The following ACMSD variants were observed in gnomAD, a reference collection of about 807,000 sequenced individuals.
ACMSD encodes the protein aminocarboxymuconate semialdehyde decarboxylase.
Under a neutral mutation model 45.9 loss-of-function variants are expected in ACMSD, and 37 were observed. The ratio of observed to expected loss-of-function variants is 0.81; its 90% CI spans 0.62 to 1.06. The LOEUF (loss-of-function observed/expected upper bound fraction) is 1.06, where lower values mean the gene tolerates loss of function less well. Among genes scored for constraint, ACMSD ranks in the 50% least tolerant of loss-of-function variants. ACMSD has a pLI of 0.00. For synonymous variants in ACMSD, 138 were observed against 148.8 expected, an observed-to-expected ratio of 0.93 and a Z score of 0.53; for missense variants, 434 against 420.9, an observed-to-expected ratio of 1.03 and a Z score of -0.27.
At chr2:134,895,885 A>G (rs1690120699) in intron 8 of ACMSD, among the ~76,000 whole-genome samples, 1 of 152,160 alleles carries the variant, frequency 6.6e-6, no homozygotes, top group South Asian at 2.1e-4. Flanking sequence ...CAAGGGATCC[A>G]GAATAGCCAA....
intron 8 of ACMSD, among the ~76,000 whole-genome samples, chr2:134,884,684 G>A (rs1272590337): frequency 6.6e-6 from 1 of 152,062 alleles, no homozygotes; most frequent in Non-Finnish European, 1.5e-5. Context: ...TTATCAGCAG[G>A]TGTATTTGTT....
chr2:134,840,311 C>T (rs1686746169), intron 1 of ACMSD, among the ~76,000 whole-genome samples: 1 of 151,824 alleles, frequency 6.6e-6, no homozygotes, highest in Non-Finnish European at 1.5e-5. Flanking sequence ...TGTACTATCC[C>T]ACTGAGAAAG....
intron 2 of ACMSD, 24 bp downstream of exon 2, chr2:134,845,301 C>G: frequency 6.2e-7 from 1 of 1,613,994 alleles, no homozygotes; most frequent in Non-Finnish European, 8.5e-7. Context: ...AAAGTATGAA[C>G]ATCAGTAGCA....
intron 8 of ACMSD, among the ~76,000 whole-genome samples, chr2:134,875,556 C>A (rs1688691961): frequency 6.6e-6 from 1 of 152,110 alleles, no homozygotes; most frequent in African/African-American, 2.4e-5. Flanking sequence ...CTCTAAAATT[C>A]TTTTGCTTTT....
chr2:134,896,961 G>T (rs563468189), intron 8 of ACMSD, among the ~76,000 whole-genome samples: 1 of 152,204 alleles, frequency 6.6e-6, no homozygotes, highest in Non-Finnish European at 1.5e-5. Flanking sequence ...AAAAGAATGG[G>T]GAGTCACTGC....
At position 134,867,646 on chromosome 2, in the gene ACMSD, C is replaced by G. The variant is rs1688168908; in HGVS notation, c.554C>G (p.Ala185Gly). 3.1e-6 allele frequency: 5 copies of G among 1,613,524 alleles called. No homozygotes were observed. Among genetic ancestry groups the G allele is most frequent in the Non-Finnish European group, 4.2e-6 (5 of 1,179,734 alleles). The change falls in exon 6 of 10, where the codon GCC becomes GGC. Residue 185 changes from alanine (A) to glycine (G), a missense_variant. Transcript: ENST00000356140. Reference sequence around the variant, plus strand: ...GACATGCAGATGGATGGACGAATGGCCAAATACTGGCTCCCTTGGCTTGTA... The same window carrying G: ...GACATGCAGATGGATGGACGAATGGGCAAATACTGGCTCCCTTGGCTTGTA... ...PWDMQMDGRM[A>G]KYWLPWLVGM...
chr2:134,883,201 A>G (rs988295687), intron 8 of ACMSD, among the ~76,000 whole-genome samples: 1 of 152,134 alleles, frequency 6.6e-6, no homozygotes, highest in African/African-American at 2.4e-5. Context: ...ATTAGCACAG[A>G]TATCTTTAAA....
At chr2:134,901,679 C>A in intron 9 of ACMSD, 119 bp from the exon 10 acceptor site, 1 of 568,240 alleles carries the variant, frequency 1.8e-6, no homozygotes, top group Non-Finnish European at 3.0e-6. Flanking sequence ...CACTGTATAA[C>A]CTGCTAGTAT....
intron 8 of ACMSD, 122 bp from the exon 9 acceptor site, chr2:134,898,219 A>C: frequency 1.8e-6 from 1 of 550,164 alleles, no homozygotes; most frequent in East Asian, 3.4e-5. Flanking sequence ...TTATGTTTCT[A>C]TTAATCAGGA....
chr2:134,887,657 G>C (rs1689538439), intron 8 of ACMSD, among the ~76,000 whole-genome samples: 1 of 152,164 alleles, frequency 6.6e-6, no homozygotes, highest in African/African-American at 2.4e-5. Flanking sequence ...TCCCACCTTG[G>C]CCTCCCAAAG....
At chr2:134,879,894 C>CT (rs1218148944) in intron 8 of ACMSD, among the ~76,000 whole-genome samples, 1 of 152,162 alleles carries the variant, frequency 6.6e-6, no homozygotes, top group Non-Finnish European at 1.5e-5. Flanking sequence ...TGAAATCTCT[C>CT]TTCATGAGGA....
At chr2:134,861,598 C>T (rs560073432) in intron 3 of ACMSD, among the ~76,000 whole-genome samples, 1 of 152,238 alleles carries the variant, frequency 6.6e-6, no homozygotes, top group East Asian at 1.9e-4. Context: ...TCTAGGATCA[C>T]TTAGGAGCTG....
rs757421443 is a variant in ACMSD, at chr2:134,867,585, G to T, written c.493G>T (p.Glu165Ter). 2.5e-6 allele frequency: 4 copies of T among 1,613,258 alleles called. No homozygotes were observed. Among genetic ancestry groups the T allele is most frequent in the Middle Eastern group, 3.3e-4 (2 of 6,062 alleles). The change falls in exon 6 of 10, where the codon GAA becomes TAA. Residue 165 changes from glutamate (E) to a stop codon, truncating the protein, a stop_gained. Transcript: ENST00000356140. LOFTEE classifies it high-confidence loss of function. Reference sequence around the variant, plus strand: ...TCTCATTGCTTCTTTGAAGGCAGCCGAAAGGCTGAAGTGTTCCCTGTTCGT... The same window carrying T: ...TCTCATTGCTTCTTTGAAGGCAGCCTAAAGGCTGAAGTGTTCCCTGTTCGT... Reference protein sequence around the residue: ...QELFPVYAAAERLKCSLFVHP... With the variant: ...QELFPVYAAA
At position 134,865,509 on chromosome 2, in the gene ACMSD, G is replaced by A. The variant is rs563652030; in HGVS notation, c.486+1878G>A. Among the ~76,000 whole-genome samples, 287 of 152,276 alleles carry A rather than the reference G, an allele frequency of 1.9e-3. 1 individual carries two copies. The highest frequency in any genetic ancestry group is 1.5e-3 in the Non-Finnish European group (100 of 68,008). On this transcript the variant is annotated intron_variant, in intron 5 of 9. Transcript: ENST00000356140. Reference sequence around the variant, plus strand: ...TCGACCCATCAATCCTTCTAACTGGGCTGTTTTGAGGACATCCAGTCTCTG... The same window carrying A: ...TCGACCCATCAATCCTTCTAACTGGACTGTTTTGAGGACATCCAGTCTCTG...
chr2:134,849,974 A>G (rs1388509710), intron 2 of ACMSD, among the ~76,000 whole-genome samples: 1 of 134,496 alleles, frequency 7.4e-6, no homozygotes, highest in Non-Finnish European at 1.6e-5. Context: ...ACACACACAC[A>G]CACACACACA....
At chr2:134,894,190 G>GA (rs1216021187) in intron 8 of ACMSD, among the ~76,000 whole-genome samples, 3 of 151,720 alleles carry the variant, frequency 2.0e-5, no homozygotes, top group East Asian at 1.9e-4. Context: ...TTGGTTCTTT[G>GA]AAAAAATCAA....
intron 1 of ACMSD, 115 bp downstream of exon 1, chr2:134,838,854 G>T: frequency 1.5e-6 from 1 of 658,086 alleles, no homozygotes; most frequent in South Asian, 2.7e-5. Flanking sequence ...GGGGGCGAGG[G>T]GGTTAAATCA....
chr2:134,857,006 A>AT (rs1309764664), intron 2 of ACMSD, among the ~76,000 whole-genome samples: 1 of 151,984 alleles, frequency 6.6e-6, no homozygotes, highest in Non-Finnish European at 1.5e-5. Context: ...AACAATATCA[A>AT]TTTTTCAATC....
In ACMSD at chr2:134,901,887, CA is replaced by C. The variant is rs757290194; in HGVS notation, c.*31del. On this transcript the variant is annotated 3_prime_UTR_variant, in exon 10 of 10. Coordinates refer to ENST00000356140, the MANE Select transcript of ACMSD (RefSeq NM_138326.3). ...TGAATTTACTACAAAGGCAAACTTT[CA>C]AAAGGATATCTCATTTTTGTTTCTA... 2 of 1,548,776 alleles carry C rather than the reference CA, an allele frequency of 1.3e-6. No homozygotes were observed. The highest frequency in any genetic ancestry group is 2.4e-5 in the South Asian group (2 of 82,716).
Sources: allele counts gnomAD v4.1 joint callset (sites outside exome capture counted in the v4.1 genomes callset), GRCh38; gene constraint gnomAD v4.1.1; transcripts MANE v1.5; gene names NCBI Gene and HGNC (gene_info 2026-07-23, HGNC 2026-07-21).